Variants in KAZN observed in about 807,000 individuals in gnomAD.
The protein encoded by KAZN is kazrin, periplakin interacting protein.
KAZN carries 40 observed loss-of-function variants against 87.4 expected under a neutral mutation model. The observed-to-expected ratio is 0.46, with a 90% CI of 0.36 to 0.60. KAZN has a LOEUF of 0.60. KAZN is among the 20% of genes least tolerant of loss of function. The pLI, the probability that KAZN is intolerant of heterozygous loss-of-function variation, is 0.00. For synonymous variants in KAZN, 466 were observed against 458.3 expected (o/e 1.02, Z -0.22); for missense variants, 898 against 1,073.9 (o/e 0.84, Z 2.29).
intron 1 of KAZN, among the ~76,000 whole-genome samples, chr1:13,920,579 T>C (rs1382608461): frequency 6.6e-6 from 1 of 152,030 alleles, no homozygotes; most frequent in Non-Finnish European, 1.5e-5. Flanking sequence ...AGAATAAACC[T>C]GAGAGGGGCT....
At chr1:14,502,064 A>T (rs535808882) in intron 2 of KAZN, among the ~76,000 whole-genome samples, 1 of 152,280 alleles carries the variant, frequency 6.6e-6, no homozygotes, top group South Asian at 2.1e-4. Flanking sequence ...CTCTCTGAAC[A>T]TACTAAAAGC....
At chr1:13,918,778 C>A (rs1639952600) in intron 1 of KAZN, among the ~76,000 whole-genome samples, 1 of 152,176 alleles carries the variant, frequency 6.6e-6, no homozygotes, top group African/African-American at 2.4e-5. Flanking sequence ...CAGGAGTACT[C>A]CACCAGTAAA....
intron 1 of KAZN, among the ~76,000 whole-genome samples, chr1:14,862,227 C>G (rs1358048451): frequency 6.6e-6 from 1 of 152,222 alleles, no homozygotes; most frequent in African/African-American, 2.4e-5. Context: ...ACGGCCATAA[C>G]AAATGTGTGA....
In KAZN at chr1:14,846,256, G is replaced by A. The variant is rs553025964; in HGVS notation, c.227-114428G>A. Among the ~76,000 whole-genome samples, 8 of 152,308 alleles carry A rather than the reference G, an allele frequency of 5.3e-5. 1 individual carries two copies. The highest frequency in any genetic ancestry group is 1.9e-4 in the African/African-American group (8 of 41,566). On this transcript the variant is annotated intron_variant, in intron 1 of 14. Transcript: ENST00000376030. Reference sequence around the variant, plus strand: ...TGCTAAGAAGCCCTGCAATAAAGAAGCCTGTTGAATCTAGCATTTCCCAAA... The same window carrying A: ...TGCTAAGAAGCCCTGCAATAAAGAAACCTGTTGAATCTAGCATTTCCCAAA...
At chr1:14,102,100 T>TA (rs908738066) in intron 1 of KAZN, among the ~76,000 whole-genome samples, 22 of 148,948 alleles carry the variant, frequency 1.5e-4, no homozygotes, top group East Asian at 3.9e-4. Context: ...TCTTGGAACT[T>TA]AAAAAAAAAA....
At chr1:14,660,886 A>G (rs1639127488) in intron 1 of KAZN, among the ~76,000 whole-genome samples, 1 of 152,158 alleles carries the variant, frequency 6.6e-6, no homozygotes, top group African/African-American at 2.4e-5. Context: ...CTGGAAAGCA[A>G]TGCCCACTCT....
intron 1 of KAZN, chr1:14,924,203 C>T (rs1409527300): frequency 3.1e-6 from 3 of 981,220 alleles, no homozygotes; most frequent in Non-Finnish European, 3.6e-6. Context: ...GGCGTCCGGC[C>T]GGACTGAGAG....
chr1:14,742,668 T>A (rs1352755084), intron 1 of KAZN, among the ~76,000 whole-genome samples: 1 of 152,222 alleles, frequency 6.6e-6, no homozygotes, highest in East Asian at 1.9e-4. Context: ...TCAGCTCCAA[T>A]GATGTTTCTT....
At chr1:14,093,005 G>A (rs1271524924) in intron 1 of KAZN, among the ~76,000 whole-genome samples, 2 of 152,132 alleles carry the variant, frequency 1.3e-5, no homozygotes, top group Non-Finnish European at 2.9e-5. Flanking sequence ...CCCCTGTGGT[G>A]CCTTTTCTCT....
chr1:14,945,802 G>A (rs1661700412), intron 1 of KAZN: 5 of 890,094 alleles, frequency 5.6e-6, no homozygotes, highest in African/African-American at 1.8e-5. Context: ...CCACGGCCTC[G>A]AGAGCCTCCC....
At chr1:14,628,288 G>A (rs1679297219) in intron 1 of KAZN, among the ~76,000 whole-genome samples, 1 of 152,162 alleles carries the variant, frequency 6.6e-6, no homozygotes, top group Non-Finnish European at 1.5e-5. Flanking sequence ...CCTAGACAAA[G>A]CAGTCTTTCA....
upstream of KAZN, among the ~76,000 whole-genome samples, chr1:14,597,215 G>A (rs936462433): frequency 9.2e-5 from 14 of 152,274 alleles, no homozygotes; most frequent in South Asian, 4.1e-4. Context: ...TTCGATCCCC[G>A]AACTGACCCA....
chr1:14,860,342 C>A (rs1650692181), intron 1 of KAZN, among the ~76,000 whole-genome samples: 1 of 152,048 alleles, frequency 6.6e-6, no homozygotes, highest in African/African-American at 2.4e-5. Context: ...CAGGCGTGCA[C>A]CACCATGCCC....
intron 2 of KAZN, among the ~76,000 whole-genome samples, chr1:14,509,306 T>C (rs866049457): frequency 6.6e-5 from 10 of 152,214 alleles, no homozygotes; most frequent in Admixed American, 6.5e-5. Context: ...GTTATATAGA[T>C]AATGAAATCC....
intron 1 of KAZN, among the ~76,000 whole-genome samples, chr1:14,718,832 GCTGGATCCT>G (rs1642944600): frequency 6.6e-6 from 1 of 152,184 alleles, no homozygotes; most frequent in South Asian, 2.1e-4. Context: ...TACGTGGAGG[GCTGGATCCT>G]TAGGGGACAT....
intron 1 of KAZN, among the ~76,000 whole-genome samples, chr1:14,027,031 G>T (rs544735251): frequency 5.3e-4 from 81 of 152,234 alleles, no homozygotes; most frequent in African/African-American, 1.8e-3. Flanking sequence ...AAACTAGGAT[G>T]GGGCATCTGG....
At chr1:14,307,132 G>C (rs965275638) in intron 2 of KAZN, among the ~76,000 whole-genome samples, 3 of 152,270 alleles carry the variant, frequency 2.0e-5, no homozygotes, top group Admixed American at 2.0e-4. Context: ...GGTCCCACAA[G>C]TTCATATGCC....
At chr1:14,968,986 A>G (rs1664745742) in intron 2 of KAZN, among the ~76,000 whole-genome samples, 1 of 152,168 alleles carries the variant, frequency 6.6e-6, no homozygotes, top group African/African-American at 2.4e-5. Flanking sequence ...AGTCTATCCC[A>G]TAGGCATTCC....
chr1:14,233,729 A>C (rs1648092835), intron 2 of KAZN, among the ~76,000 whole-genome samples: 1 of 152,194 alleles, frequency 6.6e-6, no homozygotes, highest in South Asian at 2.1e-4. Flanking sequence ...CTGGTCAGAA[A>C]ACCTCCACAG....
Sources: allele counts gnomAD v4.1 joint callset (sites outside exome capture counted in the v4.1 genomes callset), GRCh38; gene constraint gnomAD v4.1.1; transcripts MANE v1.5; gene names NCBI Gene and HGNC (gene_info 2026-07-23, HGNC 2026-07-21).